Variants in USP46 observed in about 807,000 individuals in gnomAD.
The protein encoded by USP46 is ubiquitin carboxyl-terminal hydrolase 46.
Under a neutral mutation model 44.4 loss-of-function variants are expected in USP46, and 12 were observed. That is an observed-to-expected ratio of 0.27 (90% confidence interval 0.17 to 0.44). USP46 has a LOEUF of 0.44. Among genes scored for constraint, USP46 ranks in the 20% least tolerant of loss-of-function variants. USP46 has a pLI of 1.00. For missense variants in USP46, 248 were observed against 444.8 expected (o/e 0.56, Z 3.98); for synonymous variants, 155 against 161.5 (o/e 0.96, Z 0.31).
intron 4 of USP46, among the ~76,000 whole-genome samples, chr4:52,618,404 C>T (rs1457287043): frequency 2.0e-5 from 3 of 151,940 alleles, no homozygotes; most frequent in East Asian, 1.9e-4. Flanking sequence ...GCAGCAAAAG[C>T]GCTTGAACCC....
At chr4:52,608,068 CAGGAAGGAAGGA>C (rs1181264968) in intron 5 of USP46, among the ~76,000 whole-genome samples, 2 of 152,010 alleles carry the variant, frequency 1.3e-5, no homozygotes, top group African/African-American at 2.4e-5. Flanking sequence ...CCCTCGTTCT[CAGGAAGGAAGGA>C]AGGAGGGAAG....
intron 4 of USP46, among the ~76,000 whole-genome samples, chr4:52,615,542 C>T (rs1717100860): frequency 6.6e-6 from 1 of 152,150 alleles, no homozygotes; most frequent in Non-Finnish European, 1.5e-5. Flanking sequence ...AACACTATTT[C>T]ACCAACAAAA....
rs1248878827 is a variant in USP46 at position 52,598,686 on chromosome 4, T to C, written c.941A>G (p.Tyr314Cys). Reference protein sequence around the residue: ...HCGSGPNRGHYITIVKSHGFW... With the variant: ...HCGSGPNRGHCITIVKSHGFW... Reference sequence around the variant, plus strand: ...GCCGTGACTTTTCACAATAGTGATATAATGCCCACGATTAGGACCACTGGA... The same window carrying C: ...GCCGTGACTTTTCACAATAGTGATACAATGCCCACGATTAGGACCACTGGA... The change falls in exon 8 of 9, where the codon TAT becomes TGT. Residue 314 changes from tyrosine to cysteine, a missense_variant. By Grantham distance (194) the Tyr-to-Cys change is radical (BLOSUM62 -2). This residue lies in a region of USP46 where 98 missense variants were observed against 218.2 expected (regional missense o/e 0.45). Coordinates refer to ENST00000441222, the MANE Select transcript of USP46 (RefSeq NM_022832.4). 1.2e-6 allele frequency: 2 copies of C among 1,609,586 alleles called. No individual in the cohort carries two copies. The highest frequency in any genetic ancestry group is 1.7e-6 in the Non-Finnish European group (2 of 1,178,110).
intron 4 of USP46, among the ~76,000 whole-genome samples, chr4:52,624,645 G>A (rs936781499): frequency 8.5e-5 from 13 of 152,138 alleles, no homozygotes; most frequent in African/African-American, 2.2e-4. Flanking sequence ...GTCACAGCTC[G>A]CAATGGACTG....
At chr4:52,609,788 C>G (rs1577664683) in intron 5 of USP46, among the ~76,000 whole-genome samples, 1 of 151,394 alleles carries the variant, frequency 6.6e-6, no homozygotes, top group South Asian at 2.1e-4. Flanking sequence ...CCACCCTAGC[C>G]TGAACATTTC....
intron 1 of USP46, among the ~76,000 whole-genome samples, chr4:52,641,287 C>T (rs538580804): frequency 3.3e-5 from 5 of 152,050 alleles, no homozygotes; most frequent in Non-Finnish European, 4.4e-5. Flanking sequence ...CAGTAAAAAA[C>T]GTAGTAACCT....
intron 1 of USP46, among the ~76,000 whole-genome samples, chr4:52,648,211 C>T (rs1718627369): frequency 6.6e-6 from 1 of 152,186 alleles, no homozygotes; most frequent in South Asian, 2.1e-4. Flanking sequence ...ACCAGACCAT[C>T]ATCTACAAAG....
At chr4:52,605,370 AGATTCTACTTAACATTTCT>A (rs1716648147) in intron 5 of USP46, among the ~76,000 whole-genome samples, 1 of 152,216 alleles carries the variant, frequency 6.6e-6, no homozygotes, top group Non-Finnish European at 1.5e-5. Flanking sequence ...CCAGCCATCA[AGATTCTACTTAACATTTCT>A]GTGGTACTGC....
chr4:52,641,819 G>A (rs17051643), intron 1 of USP46, among the ~76,000 whole-genome samples: 19,147 of 152,152 alleles, frequency 0.13, 1,219 homozygotes, highest in African/African-American at 0.16. Context: ...TTTCAAGTTT[G>A]TACAAGGAAG....
intron 1 of USP46, among the ~76,000 whole-genome samples, chr4:52,632,760 GT>G (rs1717882446): frequency 6.6e-6 from 1 of 151,200 alleles, no homozygotes; most frequent in African/African-American, 2.4e-5. Flanking sequence ...GCAGTGAGCT[GT>G]GATGGCACCA....
At chr4:52,645,699 G>A (rs1358372660) in intron 1 of USP46, among the ~76,000 whole-genome samples, 1 of 152,086 alleles carries the variant, frequency 6.6e-6, no homozygotes, top group African/African-American at 2.4e-5. Flanking sequence ...GAGGAGGCTG[G>A]GGTCCTTGCA....
At chr4:52,622,608 T>C (rs1278184114) in intron 4 of USP46, among the ~76,000 whole-genome samples, 2 of 152,172 alleles carry the variant, frequency 1.3e-5, no homozygotes, top group Admixed American at 6.5e-5. Context: ...TCTTACAGTT[T>C]AGTAAGAAAG....
intron 1 of USP46, among the ~76,000 whole-genome samples, chr4:52,633,620 T>C (rs1272610061): frequency 6.6e-6 from 1 of 152,218 alleles, no homozygotes; most frequent in Admixed American, 6.5e-5. Flanking sequence ...CCGGGAGGAA[T>C]GTCAGATATA....
intron 2 of USP46, chr4:52,629,513 T>C (rs184815878): frequency 4.5e-5 from 20 of 446,690 alleles, no homozygotes; most frequent in African/African-American, 3.8e-4. Context: ...CAGAGGCCTG[T>C]GCAAAATGGC....
At chr4:52,644,456 G>A (rs562253241) in intron 1 of USP46, among the ~76,000 whole-genome samples, 12 of 152,202 alleles carry the variant, frequency 7.9e-5, no homozygotes, top group Admixed American at 3.3e-4. Flanking sequence ...GGAACCAAGC[G>A]GCACAGCAGG....
chr4:52,652,945 A>G (rs1049171884), intron 1 of USP46, among the ~76,000 whole-genome samples: 1 of 152,220 alleles, frequency 6.6e-6, no homozygotes, highest in Non-Finnish European at 1.5e-5. Context: ...TTTAAAAAGT[A>G]TCTGAGGGTT....
intron 1 of USP46, among the ~76,000 whole-genome samples, chr4:52,638,633 T>C (rs1176322157): frequency 1.4e-5 from 2 of 147,848 alleles, no homozygotes; most frequent in Admixed American, 6.8e-5. Flanking sequence ...ATATAATATA[T>C]ATAATTTTAT....
intron 2 of USP46, chr4:52,629,633 C>T: frequency 2.2e-6 from 1 of 456,306 alleles, no homozygotes; most frequent in South Asian, 1.5e-5. Flanking sequence ...CAGTATCTCA[C>T]CTTTCCCCAG....
chr4:52,611,018 G>T (rs1248449075), intron 4 of USP46, among the ~76,000 whole-genome samples: 1 of 152,232 alleles, frequency 6.6e-6, no homozygotes, highest in Non-Finnish European at 1.5e-5. Context: ...ACCATCCCTT[G>T]TTGAGTCGTT....
Sources: allele counts gnomAD v4.1 joint callset (sites outside exome capture counted in the v4.1 genomes callset), GRCh38; gene constraint gnomAD v4.1.1; regional missense constraint gnomAD v4.1.1; transcripts MANE v1.5; gene names NCBI Gene and HGNC (gene_info 2026-07-23, HGNC 2026-07-21).